KCNIP4: variants seen among roughly 807,000 people sequenced by gnomAD.
The protein encoded by KCNIP4 is Kv channel-interacting protein 4.
KCNIP4 carries 12 observed loss-of-function variants against 34.0 expected under a neutral mutation model. The ratio of observed to expected loss-of-function variants is 0.35; its 90% confidence interval spans 0.23 to 0.57. The LOEUF is 0.57. Ranked by LOEUF, KCNIP4 falls within the 20% of genes least tolerant of loss-of-function variation. The probability of loss-of-function intolerance (pLI) is 0.83; values close to 1 mark genes in which losing one functional copy is unlikely to be tolerated. For synonymous variants in KCNIP4, 124 were observed against 102.2 expected, an observed-to-expected ratio of 1.21 and a Z score of -1.29; for missense variants, 238 against 311.7, an observed-to-expected ratio of 0.76 and a Z score of 1.78.
At chr4:21,109,316 TC>T (rs933443549) in intron 1 of KCNIP4, among the ~76,000 whole-genome samples, 28 of 152,272 alleles carry the variant, frequency 1.8e-4, no homozygotes, top group African/African-American at 6.7e-4. Context: ...CAGGCGCCCC[TC>T]CCCCAGCCTC....
chr4:21,713,766 T>C (rs1283641046), intron 1 of KCNIP4, among the ~76,000 whole-genome samples: 3 of 152,174 alleles, frequency 2.0e-5, no homozygotes, highest in Non-Finnish European at 4.4e-5. Context: ...TGCCCACACA[T>C]ACCCTCTCCA....
intron 1 of KCNIP4, among the ~76,000 whole-genome samples, chr4:21,317,567 A>G (rs1176765211): frequency 6.6e-6 from 1 of 152,202 alleles, no homozygotes. Context: ...ATGTGTGACT[A>G]TAAAGAATAG....
intron 1 of KCNIP4, among the ~76,000 whole-genome samples, chr4:20,886,672 C>A (rs1342984293): frequency 6.6e-6 from 1 of 152,160 alleles, no homozygotes; most frequent in African/African-American, 2.4e-5. Flanking sequence ...CTCAGAAAAA[C>A]CACTTTGGGA....
intron 1 of KCNIP4, among the ~76,000 whole-genome samples, chr4:21,386,941 A>T (rs535025242): frequency 1.1e-3 from 168 of 152,336 alleles, no homozygotes; most frequent in African/African-American, 3.8e-3. Context: ...CCTCCTGCAC[A>T]GTGTAAACTT....
intron 1 of KCNIP4, among the ~76,000 whole-genome samples, chr4:20,988,662 G>GA (rs1217114226): frequency 6.6e-6 from 1 of 152,146 alleles, no homozygotes; most frequent in Non-Finnish European, 1.5e-5. Context: ...AATGTATATA[G>GA]AAACTAGTTA....
chr4:21,827,622 G>C (rs1474570404), intron 1 of KCNIP4, among the ~76,000 whole-genome samples: 1 of 151,910 alleles, frequency 6.6e-6, no homozygotes, highest in African/African-American at 2.4e-5. Context: ...GTTCAGAGAG[G>C]ACAGAAACCC....
intron 1 of KCNIP4, among the ~76,000 whole-genome samples, chr4:21,398,711 C>A (rs1364672170): frequency 2.0e-5 from 3 of 152,178 alleles, no homozygotes; most frequent in African/African-American, 7.2e-5. Context: ...ACTTCTAGCA[C>A]CAGCATTTTG....
At chr4:20,825,092 AG>A (rs1194417005) in intron 3 of KCNIP4, among the ~76,000 whole-genome samples, 13 of 152,246 alleles carry the variant, frequency 8.5e-5, no homozygotes, top group African/African-American at 2.4e-4. Context: ...TATTTCCCAA[AG>A]GTTTGCCAGG....
intron 1 of KCNIP4, among the ~76,000 whole-genome samples, chr4:21,218,188 T>G (rs1164693369): frequency 6.6e-6 from 1 of 151,784 alleles, no homozygotes; most frequent in Admixed American, 6.6e-5. Context: ...GCTAATTTTG[T>G]ATTTTTAGTA....
intron 1 of KCNIP4, among the ~76,000 whole-genome samples, chr4:21,714,160 G>A (rs1713962244): frequency 6.6e-6 from 1 of 152,086 alleles, no homozygotes; most frequent in Non-Finnish European, 1.5e-5. Context: ...CCCTTTGACA[G>A]TTTTATAAAA....
chr4:21,183,852 T>G (rs2109330124), intron 1 of KCNIP4, among the ~76,000 whole-genome samples: 1 of 152,212 alleles, frequency 6.6e-6, no homozygotes, highest in South Asian at 2.1e-4. Flanking sequence ...TATGTAGATC[T>G]TAGCTCTAAT....
intron 1 of KCNIP4, among the ~76,000 whole-genome samples, chr4:20,997,150 A>T (rs780739608): frequency 2.0e-4 from 30 of 152,218 alleles, no homozygotes; most frequent in Admixed American, 1.3e-3. Context: ...GGCAGTTGAC[A>T]GGCATGATCA....
At chr4:21,824,959 T>C (rs1246331570) in intron 1 of KCNIP4, among the ~76,000 whole-genome samples, 1 of 152,148 alleles carries the variant, frequency 6.6e-6, no homozygotes, top group African/African-American at 2.4e-5. Context: ...ATAAGGCATG[T>C]TGCTTAAATA....
chr4:21,649,281 C>T (rs890047290), intron 1 of KCNIP4, among the ~76,000 whole-genome samples: 1 of 152,184 alleles, frequency 6.6e-6, no homozygotes, highest in East Asian at 1.9e-4. Flanking sequence ...ATCATTTTTA[C>T]AGTCATGTGA....
At chr4:21,108,655 T>C (rs541852130) in intron 1 of KCNIP4, among the ~76,000 whole-genome samples, 5 of 151,766 alleles carry the variant, frequency 3.3e-5, no homozygotes, top group Admixed American at 3.3e-4. Flanking sequence ...CTGCGTTCCT[T>C]TGGAGGAGGA....
intron 1 of KCNIP4, among the ~76,000 whole-genome samples, chr4:21,738,453 A>G (rs191832035): frequency 6.6e-6 from 1 of 152,278 alleles, no homozygotes; most frequent in Admixed American, 6.5e-5. Context: ...ACAAAAATGA[A>G]TCTCAGTCTT....
rs1309904548 is a variant in KCNIP4 at position 20,911,533 on chromosome 4, T to G, written c.62-28824A>C. Among the ~76,000 whole-genome samples the G allele has an allele frequency of 1.3e-5, 2 of 152,244 alleles. 1 individual carries two copies. The highest frequency in any genetic ancestry group is 1.3e-4 in the Admixed American group (2 of 15,294). ...AGGGTGGGTAAATTTCTGGTAATAG[T>G]TTTTGCAACTTTAATATTTTCTGAT... is the stretch of plus-strand genomic sequence containing the variant. On this transcript the variant is annotated intron_variant, in intron 1 of 8. Coordinates refer to ENST00000382152, the MANE Select transcript of KCNIP4 (RefSeq NM_025221.6).
At chr4:21,784,272 C>T (rs976552249) in intron 1 of KCNIP4, among the ~76,000 whole-genome samples, 1 of 152,018 alleles carries the variant, frequency 6.6e-6, no homozygotes, top group Non-Finnish European at 1.5e-5. Context: ...GGGACAGAGC[C>T]AAACCATATC....
intron 1 of KCNIP4, among the ~76,000 whole-genome samples, chr4:21,142,740 C>T (rs1009364053): frequency 1.2e-4 from 18 of 152,164 alleles, no homozygotes; most frequent in Middle Eastern, 3.4e-3. Context: ...TCCCAAGAAA[C>T]GTGTCACAGC....
Sources: allele counts gnomAD v4.1 joint callset (sites outside exome capture counted in the v4.1 genomes callset), GRCh38; gene constraint gnomAD v4.1.1; transcripts MANE v1.5; gene names NCBI Gene and HGNC (gene_info 2026-07-23, HGNC 2026-07-21).